HADHB: variants seen among roughly 807,000 people sequenced by gnomAD.
HADHB encodes hydroxyacyl-CoA dehydrogenase trifunctional multienzyme complex subunit beta.
HADHB carries 50 observed loss-of-function variants against 61.9 expected under a neutral mutation model. The ratio of observed to expected loss-of-function variants is 0.81; its 90% CI spans 0.64 to 1.02. The LOEUF (loss-of-function observed/expected upper bound fraction) is 1.02. Among genes scored for constraint, HADHB ranks in the 50% least tolerant of loss-of-function variants. HADHB has a pLI of 0.00. For missense variants in HADHB, 504 were observed against 586.5 expected (o/e 0.86, Z 1.45); for synonymous variants, 191 against 201.6 (o/e 0.95, Z 0.45).
intron 3 of HADHB, among the ~76,000 whole-genome samples, chr2:26,258,365 A>G (rs1671717189): frequency 6.6e-6 from 1 of 152,178 alleles, no homozygotes; most frequent in Non-Finnish European, 1.5e-5. Context: ...TGAGTGTTAT[A>G]GCTCTATTAG....
intron 7 of HADHB, 73 bp downstream of exon 7, chr2:26,277,233 C>A: frequency 6.8e-5 from 30 of 438,414 alleles, no homozygotes; most frequent in Non-Finnish European, 9.7e-5. Context: ...TAAAAATGTA[C>A]TTTTTTTTTT....
chr2:26,289,950 A>T lies in HADHB; in HGVS notation c.1422A>T (p.Lys474Asn), dbSNP rs1558365016. 24 of 1,606,084 alleles carry T rather than the reference A, an allele frequency of 1.5e-5. No homozygotes were observed. Among genetic ancestry groups the T allele is most frequent in the Non-Finnish European group, 2.0e-5 (24 of 1,172,874 alleles). Residue 474 changes from lysine (K) to asparagine (N), a missense_variant, in exon 16 of 16, where the codon AAA becomes AAT. Coordinates refer to ENST00000317799, the MANE Select transcript of HADHB (RefSeq NM_000183.3). ...GHAMIVEAYP[K>N] ...CTATGATAGTGGAAGCTTATCCAAAATAATAGATCCAGAAGAAGTGACCTG... is the reference window on the plus strand; with the variant it reads ...CTATGATAGTGGAAGCTTATCCAAATTAATAGATCCAGAAGAAGTGACCTG...
intron 9 of HADHB, 113 bp from the exon 10 acceptor site, chr2:26,279,881 A>G: frequency 2.6e-6 from 2 of 765,848 alleles, no homozygotes; most frequent in South Asian, 1.6e-5. Flanking sequence ...CTTCTAGTGA[A>G]TAGGTAAGGT....
At chr2:26,285,096 T>A in intron 14 of HADHB, 139 bp downstream of exon 14, 2 of 638,330 alleles carry the variant, frequency 3.1e-6, no homozygotes, top group South Asian at 3.7e-5. Flanking sequence ...GATATTTATT[T>A]CTTAGTGTAA....
chr2:26,276,092 C>T (rs1672524139), intron 6 of HADHB, among the ~76,000 whole-genome samples: 1 of 152,066 alleles, frequency 6.6e-6, no homozygotes, highest in South Asian at 2.1e-4. Context: ...TGCACCTGTG[C>T]ATTAATTATT....
In HADHB at chr2:26,275,428, G is replaced by A. The variant is rs555969153; in HGVS notation, c.355-1645G>A. Among the ~76,000 whole-genome samples, 21 of 152,288 alleles carry A rather than the reference G, an allele frequency of 1.4e-4. No individual in the cohort carries two copies. In the East Asian group the frequency reaches 3.5e-3, roughly 25 times the overall value. On this transcript the variant is annotated intron_variant, in intron 6 of 15. Transcript: ENST00000317799. ...CTCCTTTTCCCTTAGTGCCCTGAGAGCTATTCAAATTTCAATAGAAGTGTG... is the reference window on the plus strand; with the variant it reads ...CTCCTTTTCCCTTAGTGCCCTGAGAACTATTCAAATTTCAATAGAAGTGTG...
chr2:26,280,517 A>T (rs555590595), intron 10 of HADHB, among the ~76,000 whole-genome samples: 1 of 152,210 alleles, frequency 6.6e-6, no homozygotes, highest in Non-Finnish European at 1.5e-5. Flanking sequence ...TTGAGCAGCA[A>T]ATCTTGAAGG....
intron 4 of HADHB, among the ~76,000 whole-genome samples, chr2:26,266,290 A>G (rs1470107597): frequency 6.6e-6 from 1 of 152,056 alleles, no homozygotes; most frequent in East Asian, 1.9e-4. Context: ...AAAAAAAATT[A>G]ATAATAATAA....
intron 1 of HADHB, among the ~76,000 whole-genome samples, chr2:26,249,393 C>A (rs564694688): frequency 6.6e-5 from 10 of 152,040 alleles, no homozygotes; most frequent in Non-Finnish European, 8.8e-5. Flanking sequence ...CGCCTGTAGT[C>A]CCAGTTACTC....
At chr2:26,245,012 T>G in intron 1 of HADHB, 22 bp downstream of exon 1, 1 of 219,064 alleles carries the variant, frequency 4.6e-6, no homozygotes. Context: ...AGCCCTCAGC[T>G]CTCCGCCCGG....
intron 12 of HADHB, among the ~76,000 whole-genome samples, chr2:26,283,658 T>C (rs1672895651): frequency 1.3e-5 from 2 of 152,234 alleles, no homozygotes; most frequent in African/African-American, 4.8e-5. Context: ...ATATTCTTTT[T>C]CATTAAGATA....
chr2:26,251,591 G>T (rs1229547908), intron 1 of HADHB, among the ~76,000 whole-genome samples: 1 of 152,134 alleles, frequency 6.6e-6, no homozygotes, highest in Middle Eastern at 3.2e-3. Flanking sequence ...TTACGTAAGG[G>T]AACTTGTAGC....
At chr2:26,285,244 T>G (rs1201146955) in intron 14 of HADHB, among the ~76,000 whole-genome samples, 163 bp from the exon 15 acceptor site, 1 of 152,256 alleles carries the variant, frequency 6.6e-6, no homozygotes, top group Admixed American at 6.5e-5. Flanking sequence ...CTCCTGACTT[T>G]TAATATTGAC....
At chr2:26,245,604 A>G (rs1239662950) in intron 1 of HADHB, among the ~76,000 whole-genome samples, 1 of 152,072 alleles carries the variant, frequency 6.6e-6, no homozygotes, top group African/African-American at 2.4e-5. Context: ...GAAACTGCCT[A>G]CGAATCAGAG....
intron 15 of HADHB, among the ~76,000 whole-genome samples, chr2:26,286,647 T>G (rs993762185): frequency 6.6e-6 from 1 of 151,602 alleles, no homozygotes; most frequent in Non-Finnish European, 1.5e-5. Flanking sequence ...GGATTACAGG[T>G]GCTCACCACC....
chr2:26,256,361 G>C (rs1042496604), intron 3 of HADHB, among the ~76,000 whole-genome samples: 29 of 152,156 alleles, frequency 1.9e-4, no homozygotes, highest in Admixed American at 1.9e-3. Flanking sequence ...TGAAGCTTGT[G>C]TGAATATCTC....
Position 26,254,845 on chromosome 2 carries a change from A to G in HADHB, c.109+371A>G, listed in dbSNP as rs146923054. 2.5e-3 allele frequency: 589 copies of G among 234,142 alleles called. 5 individuals carry two copies. The highest frequency in any genetic ancestry group is 0.013 in the African/African-American group (549 of 43,794). 14.5% of individuals were successfully genotyped at this position (234,142 alleles called of 1,614,324 possible). A position where few individuals can be genotyped will look rare whatever the true frequency, so the allele number is the denominator to read the frequency against. On this transcript the variant is annotated intron_variant, in intron 3 of 15. Transcript: ENST00000317799. ...ACCAAAAGTTAACTTTAAATTTGCA[A>G]TTTGTGAAATGCTTCTCTATTGATG...
At chr2:26,249,998 C>T (rs1426115932) in intron 1 of HADHB, among the ~76,000 whole-genome samples, 2 of 151,966 alleles carry the variant, frequency 1.3e-5, no homozygotes, top group Non-Finnish European at 2.9e-5. Flanking sequence ...TAGATTGTTT[C>T]TGTTTTTCTT....
At chr2:26,280,551 G>A (rs1322935913) in intron 10 of HADHB, among the ~76,000 whole-genome samples, 2 of 152,108 alleles carry the variant, frequency 1.3e-5, no homozygotes, top group African/African-American at 4.8e-5. Context: ...AACTCAGGAA[G>A]GATTTTAAAA....
Sources: gnomAD v4.1 joint callset for allele counts (sites outside exome capture counted in the v4.1 genomes callset) on GRCh38, gnomAD v4.1.1 for gene constraint, MANE v1.5 for transcripts, NCBI Gene and HGNC (gene_info 2026-07-23, HGNC 2026-07-21) for gene names.